Variants in ALPK2 observed in about 807,000 individuals in gnomAD.
ALPK2 encodes alpha-protein kinase 2.
Under a neutral mutation model 163.1 loss-of-function variants are expected in ALPK2, and 127 were observed. That is an observed-to-expected ratio of 0.78 (90% CI 0.67 to 0.90). The LOEUF (loss-of-function observed/expected upper bound fraction) is 0.90. Ranked by LOEUF, ALPK2 falls within the 40% of genes least tolerant of loss-of-function variation. ALPK2 has a pLI of 0.00. For synonymous variants in ALPK2, 953 were observed against 959.1 expected, an observed-to-expected ratio of 0.99 and a Z score of 0.12; for missense variants, 2,360 against 2,589.6, an observed-to-expected ratio of 0.91 and a Z score of 1.92.
chr18:58,574,701 G>GA (rs1453158731), intron 4 of ALPK2, among the ~76,000 whole-genome samples: 1 of 152,114 alleles, frequency 6.6e-6, no homozygotes, highest in Non-Finnish European at 1.5e-5. Flanking sequence ...TCCGGCTGTG[G>GA]AAAAATTGTC....
At chr18:58,489,001 G>T (rs7229037) in intron 12 of ALPK2, among the ~76,000 whole-genome samples, 19,919 of 152,156 alleles carry the variant, frequency 0.13, 1,370 homozygotes, top group Non-Finnish European at 0.16. Flanking sequence ...GGAACTAAAA[G>T]GAATTAATTA....
chr18:58,617,421 A>G (rs1353165157), intron 1 of ALPK2, among the ~76,000 whole-genome samples: 3 of 152,184 alleles, frequency 2.0e-5, no homozygotes, highest in South Asian at 2.1e-4. Flanking sequence ...TCCTGGCCTC[A>G]AGCGATCTGC....
At chr18:58,561,101 T>G (rs2051823481) in intron 4 of ALPK2, among the ~76,000 whole-genome samples, 1 of 152,174 alleles carries the variant, frequency 6.6e-6, no homozygotes, top group South Asian at 2.1e-4. Context: ...ACTTAACATT[T>G]ATTGAGATCT....
chr18:58,598,429 T>C (rs1279773833), intron 3 of ALPK2, among the ~76,000 whole-genome samples: 1 of 152,108 alleles, frequency 6.6e-6, no homozygotes, highest in Non-Finnish European at 1.5e-5. Context: ...AGTCACACAG[T>C]GGTTCATGGA....
At chr18:58,616,187 G>T (rs546042174) in intron 1 of ALPK2, among the ~76,000 whole-genome samples, 2 of 152,032 alleles carry the variant, frequency 1.3e-5, no homozygotes, top group Non-Finnish European at 2.9e-5. Flanking sequence ...TTCTTTTTTT[G>T]CTGTGTGGTT....
intron 10 of ALPK2, among the ~76,000 whole-genome samples, chr18:58,513,087 GGT>G (rs1217731503): frequency 1.4e-5 from 2 of 145,142 alleles, no homozygotes; most frequent in Non-Finnish European, 3.0e-5. Flanking sequence ...GTTTGTGTGT[GGT>G]GTGTGTGTGG....
chr18:58,544,526 G>A (rs888804482), intron 4 of ALPK2: 1 of 152,196 alleles, frequency 6.6e-6, no homozygotes, highest in African/African-American at 2.4e-5. Flanking sequence ...GAGACAAGAT[G>A]TACATGGAAA....
chr18:58,543,232 T>C, intron 4 of ALPK2: 1 of 500,720 alleles, frequency 2.0e-6, no homozygotes, highest in Non-Finnish European at 2.6e-6. Context: ...ATGCAGGCCC[T>C]CTGCCTGGGA....
At chr18:58,524,266 C>T (rs952186138) in intron 6 of ALPK2, among the ~76,000 whole-genome samples, 3 of 152,338 alleles carry the variant, frequency 2.0e-5, no homozygotes, top group African/African-American at 7.2e-5. Flanking sequence ...CTAACACGCT[C>T]ACTCCAATAA....
intron 3 of ALPK2, among the ~76,000 whole-genome samples, chr18:58,599,922 G>C (rs1295052999): frequency 6.6e-6 from 1 of 150,892 alleles, no homozygotes; most frequent in Admixed American, 6.6e-5. Context: ...GACGCTGGCT[G>C]TCAATAGTGG....
At chr18:58,562,137 C>A (rs1020341989) in intron 4 of ALPK2, among the ~76,000 whole-genome samples, 1 of 152,104 alleles carries the variant, frequency 6.6e-6, no homozygotes, top group Non-Finnish European at 1.5e-5. Flanking sequence ...CCTCTTTGAG[C>A]GTTATGGGCC....
rs1474449887 is a variant in ALPK2 at position 58,610,091 on chromosome 18, A to G, written c.109+1598T>C. On this transcript the variant is annotated intron_variant, in intron 2 of 12. Transcript: ENST00000361673. Reference sequence around the variant, plus strand: ...GGGATCAGAGACCAACCTGGCCGACATAGCGAAACCCCATTCTACTAAAAA... The same window carrying G: ...GGGATCAGAGACCAACCTGGCCGACGTAGCGAAACCCCATTCTACTAAAAA... Among the ~76,000 whole-genome samples the G allele has an allele frequency of 6.6e-5, 10 of 152,190 alleles. No homozygotes were observed. In the East Asian group the frequency reaches 1.5e-3, roughly 24 times the overall value.
chr18:58,488,180 T>C (rs539931939), intron 12 of ALPK2, among the ~76,000 whole-genome samples: 5 of 152,174 alleles, frequency 3.3e-5, no homozygotes, highest in African/African-American at 7.2e-5. Flanking sequence ...GTATATCTTA[T>C]GTTTATGAAG....
chr18:58,498,039 T>G lies in ALPK2; in HGVS notation c.6296+10A>C. 1 of 1,613,932 alleles carries G rather than the reference T, an allele frequency of 6.2e-7. No individual in the cohort carries two copies. Among genetic ancestry groups the G allele is most frequent in the Non-Finnish European group, 8.5e-7 (1 of 1,179,814 alleles). The stretch of plus-strand genomic sequence containing the variant: ...GTTAATTGATGCACACTCCATTTTT[T>G]CCTACTCACCCTTTAGCCAGCGTTG... On this transcript the variant is annotated intron_variant, in intron 12 of 12. Transcript: ENST00000361673.
At chr18:58,566,459 C>G (rs1475188426) in intron 4 of ALPK2, 2 of 152,178 alleles carry the variant, frequency 1.3e-5, no homozygotes, top group Non-Finnish European at 2.9e-5. Flanking sequence ...CATCTCCTTT[C>G]AGAGATGCAA....
At chr18:58,601,073 T>C (rs2052066941) in intron 3 of ALPK2, among the ~76,000 whole-genome samples, 1 of 152,166 alleles carries the variant, frequency 6.6e-6, no homozygotes, top group Non-Finnish European at 1.5e-5. Flanking sequence ...CTGGCCAACA[T>C]GGTGAAACCC....
chr18:58,584,915 G>A (rs899572186), intron 3 of ALPK2, among the ~76,000 whole-genome samples: 9 of 152,314 alleles, frequency 5.9e-5, no homozygotes, highest in African/African-American at 2.2e-4. Flanking sequence ...ACAGTGATTT[G>A]ACAGGAATGC....
chr18:58,517,939 GT>G (rs202096652), intron 8 of ALPK2, among the ~76,000 whole-genome samples: 2 of 150,760 alleles, frequency 1.3e-5, no homozygotes, highest in Non-Finnish European at 3.0e-5. Context: ...TCTAACAGCT[GT>G]TTTTTTTTGC....
intron 1 of ALPK2, among the ~76,000 whole-genome samples, chr18:58,614,269 G>A (rs2052152180): frequency 6.6e-6 from 1 of 152,234 alleles, no homozygotes; most frequent in Admixed American, 6.5e-5. Context: ...AGGTGTGGAA[G>A]ACTGAGCAAG....
Sources: gnomAD v4.1 joint callset for allele counts (sites outside exome capture counted in the v4.1 genomes callset) on GRCh38, gnomAD v4.1.1 for gene constraint, MANE v1.5 for transcripts, NCBI Gene and HGNC (gene_info 2026-07-23, HGNC 2026-07-21) for gene names.